Variants in UBTF observed in about 807,000 individuals in gnomAD.
UBTF encodes the protein upstream binding transcription factor.
In UBTF, 8 loss-of-function variants were observed where a neutral mutation model predicts 112.3. The observed-to-expected ratio is 0.07, with a 90% confidence interval of 0.04 to 0.13. UBTF has a LOEUF of 0.13. UBTF is among the 10% of genes least tolerant of loss of function. The pLI is 1.00. For synonymous variants in UBTF, 417 were observed against 373.1 expected, an observed-to-expected ratio of 1.12 and a Z score of -1.36; for missense variants, 457 against 982.1, an observed-to-expected ratio of 0.47 and a Z score of 7.15.
At chr17:44,216,244 CCATGCTAACACCTCCGTCAATCTCAG>C (rs2046839821) in intron 3 of UBTF, 2 of 603,072 alleles carry the variant, frequency 3.3e-6, no homozygotes, top group African/African-American at 1.9e-5. Context: ...ACCTGGTTGT[CCATGCTAACACCTCCGTCAATCTCAG>C]CATGCTAGCA....
At chr17:44,215,608 G>A in intron 5 of UBTF, 46 bp downstream of exon 5, 1 of 1,606,620 alleles carries the variant, frequency 6.2e-7, no homozygotes, top group Non-Finnish European at 8.5e-7. Context: ...CACACCAGCT[G>A]CTCCCAGCCT....
At position 44,216,654 on chromosome 17, in the gene UBTF, T is replaced by G; in HGVS notation, c.109A>C (p.Asn37His). 6.2e-7 allele frequency: 1 copy of G among 1,614,208 alleles called. No individual in the cohort carries two copies. The change falls in exon 3 of 21, where the codon AAC becomes CAC. Residue 37 changes from asparagine to histidine, a missense_variant. Asn to His is a moderately conservative substitution (Grantham distance 68). Transcript: ENST00000436088. ...MLTLLECMKN[N>H]LPSNDSSKFK... ...TTGGAGCTGTCATTGGATGGAAGGT[T>G]GTTCTTCATGCATTCCAGCAAAGTC...
At chr17:44,216,125 C>T (rs773963578) in intron 3 of UBTF, 136 bp from the exon 4 acceptor site, 4 of 733,280 alleles carry the variant, frequency 5.5e-6, no homozygotes, top group Non-Finnish European at 6.8e-6. Flanking sequence ...AGGCCAACAG[C>T]CAAATGAAGC....
chr17:44,220,048 C>T (rs1459045015), upstream of UBTF, among the ~76,000 whole-genome samples: 1 of 111,558 alleles, frequency 9.0e-6, no homozygotes. Flanking sequence ...CTGGCGGCGG[C>T]GGCGGCTGCT....
chr17:44,211,193 C>G lies in UBTF; in HGVS notation c.1090-41G>C, dbSNP rs1225081279. ...GAGCACGGGGCTGCATGCCTGGCAC[C>G]CAGACTGCATGGTGCCCTATCTCCA... On this transcript the variant is annotated intron_variant, in intron 11 of 20. Transcript: ENST00000436088. The surrounding 1 kb of genome is among the most constrained non-coding windows in gnomAD (Gnocchi z 4.9). 2 of 1,613,196 alleles carry G rather than the reference C, an allele frequency of 1.2e-6. No homozygotes were observed. The highest frequency in any genetic ancestry group is 1.7e-6 in the Non-Finnish European group (2 of 1,179,764).
chr17:44,219,629 G>A lies in UBTF; in HGVS notation c.-252C>T, dbSNP rs578258571. ...CTGCTGCTGTGGCGGCGGCGGCGGC[G>A]GCGGCGGCTGTGGCTGCTGCCTGCT... On this transcript the variant is annotated 5_prime_UTR_variant, in exon 1 of 21. Coordinates refer to ENST00000436088, the MANE Select transcript of UBTF (RefSeq NM_014233.4). The A allele has an allele frequency of 1.2e-5, 2 of 162,930 alleles. No individual in the cohort carries two copies. Among genetic ancestry groups the A allele is most frequent in the Non-Finnish European group, 2.6e-5 (2 of 77,900 alleles). 10.1% of individuals were successfully genotyped at this position (162,930 alleles called of 1,614,324 possible).
At chr17:44,220,629 A>G (rs927252239), upstream of UBTF, 15 of 151,978 alleles carry the variant, frequency 9.9e-5, no homozygotes, top group Non-Finnish European at 1.8e-4. Flanking sequence ...GAGCCGGTTC[A>G]ATCCAGCCCG....
At chr17:44,212,056 A>T in intron 8 of UBTF, 50 bp from the exon 9 acceptor site, 53 of 1,267,352 alleles carry the variant, frequency 4.2e-5, no homozygotes, top group East Asian at 6.5e-5. Flanking sequence ...GGAGTTAGCT[A>T]GGGCAGGGGC....
Position 44,210,920 on chromosome 17 carries a change from C to G in UBTF, c.1231G>C (p.Val411Leu). 1.2e-6 allele frequency: 2 copies of G among 1,607,772 alleles called. No individual in the cohort carries two copies. Among genetic ancestry groups the G allele is most frequent in the Middle Eastern group, 1.7e-4 (1 of 5,978 alleles). Reference sequence around the variant, plus strand: ...TCCGAGAAGATGAACATGGCCGACACGGGCCGCTTGGGCTTCTCGGAGCCG... The same window carrying G: ...TCCGAGAAGATGAACATGGCCGACAGGGGCCGCTTGGGCTTCTCGGAGCCG... ...KGGSEKPKRP[V>L]SAMFIFSEEK... Residue 411 changes from valine (V) to leucine (L), a missense_variant, in exon 13 of 21, where the codon GTG (valine) becomes CTG (leucine). Val to Leu is a conservative substitution (Grantham distance 32, BLOSUM62 1). Transcript: ENST00000436088.
rs1412998061 is a variant in UBTF, at chr17:44,218,526, G to A, written c.-67-230C>T. The A allele has an allele frequency of 2.3e-5, 8 of 342,510 alleles. No individual in the cohort carries two copies. In the East Asian group the frequency reaches 4.1e-4, roughly 17 times the overall value. The allele number at this position is 342,510 out of a possible 1,614,324, so 21.2% of individuals were successfully genotyped here. Reference sequence around the variant, plus strand: ...GCGGCGCGCGCCCTCCCCTGGCCACGCGAGGGCCTGCTCCTAGCTCCCGCG... The same window carrying A: ...GCGGCGCGCGCCCTCCCCTGGCCACACGAGGGCCTGCTCCTAGCTCCCGCG... On this transcript the variant is annotated intron_variant, in intron 1 of 20. Transcript: ENST00000436088.
At chr17:44,216,268 C>A in intron 3 of UBTF, 1 of 605,728 alleles carries the variant, frequency 1.7e-6, no homozygotes, top group Middle Eastern at 4.4e-4. Context: ...CCGTCAATCT[C>A]AGCATGCTAG....
chr17:44,219,730 A>T (rs1275903649), upstream of UBTF: 4 of 151,398 alleles, frequency 2.6e-5, no homozygotes, highest in Admixed American at 1.3e-4. Context: ...CCCCGGCCTC[A>T]GCTCGCACAC....
upstream of UBTF, chr17:44,220,754 G>A (rs1306509717): frequency 6.6e-6 from 1 of 151,874 alleles, no homozygotes; most frequent in African/African-American, 2.4e-5. Flanking sequence ...CGTGTGGATG[G>A]GAGCGCAGGC....
chr17:44,214,506 C>T (rs2046748193), intron 5 of UBTF, among the ~76,000 whole-genome samples: 1 of 152,192 alleles, frequency 6.6e-6, no homozygotes, highest in African/African-American at 2.4e-5. Flanking sequence ...CCTTCCCTGG[C>T]TCTGACTCTA....
chr17:44,210,665 G>A lies in UBTF; in HGVS notation c.1359+127C>T, dbSNP rs1326353310. 1.2e-5 allele frequency: 17 copies of A among 1,403,604 alleles called. No individual in the cohort carries two copies. In the East Asian group the frequency reaches 3.4e-4, roughly 28 times the overall value. 86.9% of individuals were successfully genotyped at this position (1,403,604 alleles called of 1,614,324 possible). A position where few individuals can be genotyped will look rare whatever the true frequency, so the allele number is the denominator to read the frequency against. On this transcript the variant is annotated intron_variant, in intron 13 of 20. Coordinates refer to ENST00000436088, the MANE Select transcript of UBTF (RefSeq NM_014233.4). ...CCCGCCTTCCGGCTGCTGGGCGCCG[G>A]CCCCACGTCCCAGCCCAGGCACCGC...
rs779802571 is a variant in UBTF at position 44,210,111 on chromosome 17, G to A, written c.1626+13C>T. The A allele has an allele frequency of 7.3e-5, 117 of 1,612,798 alleles. No homozygotes were observed. The highest frequency in any genetic ancestry group is 9.2e-5 in the Non-Finnish European group (109 of 1,178,714). On this transcript the variant is annotated intron_variant, in intron 15 of 20. Transcript: ENST00000436088. ...GCTTTCAATGAATGGGGTGGCCCCAGCCCCATTCCTACCTCATATCGCTTT... is the reference window on the plus strand; with the variant it reads ...GCTTTCAATGAATGGGGTGGCCCCAACCCCATTCCTACCTCATATCGCTTT...
chr17:44,207,809 G>A (rs913424674), intron 18 of UBTF, 39 bp from the exon 19 acceptor site: 10 of 1,614,086 alleles, frequency 6.2e-6, no homozygotes, highest in Non-Finnish European at 6.8e-6. Flanking sequence ...CCATGAGTTC[G>A]ACACCCCTGA....
At position 44,218,265 on chromosome 17, in the gene UBTF, G is replaced by A; in HGVS notation, c.-36C>T. The A allele has an allele frequency of 6.2e-7, 1 of 1,610,118 alleles. No homozygotes were observed. Among genetic ancestry groups the A allele is most frequent in the Non-Finnish European group, 8.5e-7 (1 of 1,179,112 alleles). The stretch of plus-strand genomic sequence containing the variant: ...TCCAGCCACCTCCTCGGTCGTGCTG[G>A]CCGGGCAACCCGGGGTCAAAGCCAC... On this transcript the variant is annotated 5_prime_UTR_variant, in exon 2 of 21. Coordinates refer to ENST00000436088, the MANE Select transcript of UBTF (RefSeq NM_014233.4).
chr17:44,220,341 G>C (rs1448235791), upstream of UBTF, among the ~76,000 whole-genome samples: 2 of 151,816 alleles, frequency 1.3e-5, no homozygotes, highest in Non-Finnish European at 2.9e-5. Context: ...TCAGACTAGG[G>C]CTTCCAGGCC....
Sources: gnomAD v4.1 joint callset for allele counts (sites outside exome capture counted in the v4.1 genomes callset) on GRCh38, gnomAD v4.1.1 for gene constraint, Gnocchi (gnomAD v3.1) non-coding constraint, MANE v1.5 for transcripts, NCBI Gene and HGNC (gene_info 2026-07-23, HGNC 2026-07-21) for gene names.